CACNB4: variants seen among roughly 807,000 people sequenced by gnomAD.
CACNB4 encodes calcium voltage-gated channel auxiliary subunit beta 4, also known as voltage-dependent L-type calcium channel subunit beta-4.
In CACNB4, 32 loss-of-function variants were observed where a neutral mutation model predicts 71.2. The ratio of observed to expected loss-of-function variants is 0.45; its 90% CI spans 0.34 to 0.60. The LOEUF is 0.60. CACNB4 is among the 20% of genes least tolerant of loss of function. CACNB4 has a pLI of 0.01. For missense variants in CACNB4, 464 were observed against 647.9 expected, an observed-to-expected ratio of 0.72 and a Z score of 3.08; for synonymous variants, 231 against 236.9, an observed-to-expected ratio of 0.97 and a Z score of 0.23.
At chr2:152,062,326 C>T (rs755433698) in intron 2 of CACNB4, among the ~76,000 whole-genome samples, 2 of 152,116 alleles carry the variant, frequency 1.3e-5, no homozygotes, top group African/African-American at 2.4e-5. Context: ...GAGGCCAGTC[C>T]AGTCACACCA....
intron 12 of CACNB4, among the ~76,000 whole-genome samples, chr2:151,847,363 CAACAAAACAA>C (rs779775304): frequency 6.6e-6 from 1 of 151,872 alleles, no homozygotes; most frequent in Non-Finnish European, 1.5e-5. Context: ...GACCCTGTCT[CAACAAAACAA>C]AACAAAACAA....
At chr2:151,902,278 C>T (rs1167371424) in intron 2 of CACNB4, among the ~76,000 whole-genome samples, 1 of 152,128 alleles carries the variant, frequency 6.6e-6, no homozygotes. Flanking sequence ...TGATCCTCCC[C>T]ATTCAGCATC....
chr2:152,051,742 T>C (rs1223546656), intron 2 of CACNB4, among the ~76,000 whole-genome samples: 1 of 152,196 alleles, frequency 6.6e-6, no homozygotes, highest in Admixed American at 6.5e-5. Context: ...GCCACCCATC[T>C]ATGGTAATTT....
intron 2 of CACNB4, among the ~76,000 whole-genome samples, chr2:151,926,330 A>C (rs933565240): frequency 1.3e-5 from 2 of 152,226 alleles, no homozygotes; most frequent in Middle Eastern, 3.2e-3. Flanking sequence ...TACTGCTCAT[A>C]AGGCAAGCAA....
chr2:151,895,080 C>T lies in CACNB4; in HGVS notation c.148-11710G>A, dbSNP rs1340287801. Among the ~76,000 whole-genome samples the T allele has an allele frequency of 3.5e-5, 5 of 144,750 alleles. No individual in the cohort carries two copies. The Admixed American group carries it at 3.5e-4, about 10-fold the overall frequency. The allele number at this position is 144,750 out of a possible 152,430, so 95.0% of individuals were successfully genotyped here. ...AAAAAATCTAAAATTCATATGGAAC[C>T]AGAACTCAAATAGCCCCACACACAC... On this transcript the variant is annotated intron_variant, in intron 2 of 13. Transcript: ENST00000539935.
intron 2 of CACNB4, among the ~76,000 whole-genome samples, chr2:152,071,270 G>A (rs1370709113): frequency 1.3e-5 from 2 of 152,344 alleles, no homozygotes; most frequent in East Asian, 1.9e-4. Context: ...CATGGAGACT[G>A]TAAGCCGGTC....
chr2:151,883,002 C>A (rs1477490865), intron 3 of CACNB4: 1 of 468,764 alleles, frequency 2.1e-6, no homozygotes, highest in East Asian at 4.2e-5. Context: ...TTTGATATTG[C>A]TAAGTTGGAA....
intron 12 of CACNB4, chr2:151,852,673 G>A (rs530744044): frequency 9.2e-5 from 14 of 152,326 alleles, no homozygotes; most frequent in Admixed American, 9.2e-4. Context: ...GTTATGCTGT[G>A]TTGCCCTCTC....
chr2:152,074,070 C>G (rs1258480565), intron 2 of CACNB4, among the ~76,000 whole-genome samples: 1 of 152,030 alleles, frequency 6.6e-6, no homozygotes, highest in African/African-American at 2.4e-5. Flanking sequence ...GGCAGGCAGG[C>G]AGGGGAGGAA....
intron 2 of CACNB4, among the ~76,000 whole-genome samples, chr2:151,910,220 G>A (rs1463423958): frequency 2.6e-5 from 4 of 151,748 alleles, no homozygotes; most frequent in East Asian, 1.9e-4. Flanking sequence ...CCACTTTTTC[G>A]TGGGGTTTTT....
chr2:151,945,909 G>C (rs1184203376), intron 2 of CACNB4, among the ~76,000 whole-genome samples: 1 of 150,820 alleles, frequency 6.6e-6, no homozygotes, highest in South Asian at 2.1e-4. Context: ...ACATGTGTGT[G>C]TGCGCGTGTG....
intron 9 of CACNB4, chr2:151,866,792 A>C (rs1051510398): frequency 6.6e-6 from 1 of 152,150 alleles, no homozygotes; most frequent in East Asian, 1.9e-4. Flanking sequence ...TCCAGGGCTA[A>C]GTCTCTCTCT....
At chr2:151,865,388 C>T (rs1408142759) in intron 9 of CACNB4, among the ~76,000 whole-genome samples, 1 of 152,162 alleles carries the variant, frequency 6.6e-6, no homozygotes, top group East Asian at 1.9e-4. Context: ...GTGTAGGTTA[C>T]ACGATGTTCA....
chr2:152,063,738 C>T (rs909890235), intron 2 of CACNB4, among the ~76,000 whole-genome samples: 4 of 152,078 alleles, frequency 2.6e-5, no homozygotes, highest in East Asian at 1.9e-4. Flanking sequence ...GGCTGTGAGG[C>T]GGGGGGCAGG....
intron 2 of CACNB4, among the ~76,000 whole-genome samples, chr2:151,938,311 T>C (rs1045356986): frequency 6.6e-6 from 1 of 152,216 alleles, no homozygotes; most frequent in African/African-American, 2.4e-5. Flanking sequence ...CATGGGAATA[T>C]AGCTATTTAC....
chr2:151,841,069 G>A (rs535033776), intron 13 of CACNB4, among the ~76,000 whole-genome samples: 2 of 152,292 alleles, frequency 1.3e-5, no homozygotes, highest in African/African-American at 4.8e-5. Flanking sequence ...ACTTACAAAG[G>A]TGGGCACCTG....
At chr2:151,894,410 C>A (rs141007159) in intron 2 of CACNB4, among the ~76,000 whole-genome samples, 24 of 152,230 alleles carry the variant, frequency 1.6e-4, no homozygotes, top group African/African-American at 5.8e-4. Context: ...AAACTCTCAA[C>A]AAATTAGGGA....
chr2:152,098,634 C>A lies in CACNB4; in HGVS notation c.64-221G>T. 2.5e-6 allele frequency: 4 copies of A among 1,569,810 alleles called. No individual in the cohort carries two copies. Among genetic ancestry groups the A allele is most frequent in the Non-Finnish European group, 3.5e-6 (4 of 1,157,162 alleles). On this transcript the variant is annotated intron_variant, in intron 1 of 13. Coordinates refer to ENST00000539935, the MANE Select transcript of CACNB4 (RefSeq NM_000726.5). This position sits in a 1 kb window ranked among gnomAD's most constrained non-coding sequence, Gnocchi z 5.3. Reference sequence around the variant, plus strand: ...ATGCTCGAGAAGAGCAGCCCGCAAGCACCCACCACATCCATTAACAAAGAC... The same window carrying A: ...ATGCTCGAGAAGAGCAGCCCGCAAGAACCCACCACATCCATTAACAAAGAC...
intron 2 of CACNB4, among the ~76,000 whole-genome samples, chr2:152,013,522 T>G (rs1056786822): frequency 9.9e-5 from 15 of 152,104 alleles, no homozygotes; most frequent in African/African-American, 3.6e-4. Context: ...CATTAGCCTG[T>G]GTCCTTGTGA....
Sources: allele counts gnomAD v4.1 joint callset (sites outside exome capture counted in the v4.1 genomes callset), GRCh38; gene constraint gnomAD v4.1.1; non-coding constraint Gnocchi (gnomAD v3.1); transcripts MANE v1.5; gene names NCBI Gene and HGNC (gene_info 2026-07-23, HGNC 2026-07-21).